KDM1A: variants seen among roughly 807,000 people sequenced by gnomAD.
KDM1A encodes the protein lysine-specific histone demethylase 1A.
A neutral mutation model predicts 109.4 loss-of-function variants in KDM1A; 49 were observed. The observed-to-expected ratio is 0.45, with a 90% CI of 0.36 to 0.57. The LOEUF is 0.57. Among genes scored for constraint, KDM1A ranks in the 20% least tolerant of loss-of-function variants. The probability of loss-of-function intolerance (pLI) is 0.00; values close to 1 mark genes in which losing one functional copy is unlikely to be tolerated. For missense variants in KDM1A, 668 were observed against 1,116.6 expected, an observed-to-expected ratio of 0.60 and a Z score of 5.73; for synonymous variants, 380 against 415.4, an observed-to-expected ratio of 0.91 and a Z score of 1.04.
At position 23,056,046 on chromosome 1, in the gene KDM1A, T is replaced by C; in HGVS notation, c.990+8T>C. The C allele has an allele frequency of 6.3e-7, 1 of 1,591,852 alleles. No homozygotes were observed. Among genetic ancestry groups the C allele is most frequent in the Non-Finnish European group, 8.6e-7 (1 of 1,160,342 alleles). ...ACACTTTTGGAAGCCAGGGTAAGAA[T>C]TTCATTTTGAGTTTAGAGGCTTGAC... On this transcript the variant is annotated splice_region_variant and intron_variant, in intron 7 of 20. Coordinates refer to ENST00000400181, the MANE Select transcript of KDM1A (RefSeq NM_001009999.3).
In KDM1A at chr1:23,066,072, G is replaced by T; in HGVS notation, c.1179+1G>T. Reference sequence around the variant, plus strand: ...CACTGGTTAAAAGGACACTGTCAAGGTATTTTTTTCATAATTTTTCAAATC... The same window carrying T: ...CACTGGTTAAAAGGACACTGTCAAGTTATTTTTTTCATAATTTTTCAAATC... On this transcript the variant is annotated splice_donor_variant, in intron 10 of 20. Transcript: ENST00000400181. LOFTEE classifies it high-confidence loss of function. The T allele has an allele frequency of 1.3e-6, 2 of 1,588,718 alleles. No homozygotes were observed. Among genetic ancestry groups the T allele is most frequent in the Non-Finnish European group, 8.6e-7 (1 of 1,158,210 alleles).
chr1:23,057,570 G>A lies in KDM1A; in HGVS notation c.1072+5G>A, dbSNP rs1214329613. ...CCATGGTGGTAACAGGTCTTGGTAA[G>A]TAGCTATTGGTTTGTGCTATATAGT... On this transcript the variant is annotated splice_donor_5th_base_variant and intron_variant, in intron 8 of 20. Transcript: ENST00000400181. 5 of 1,607,974 alleles carry A rather than the reference G, an allele frequency of 3.1e-6. No individual in the cohort carries two copies. Among genetic ancestry groups the A allele is most frequent in the Non-Finnish European group, 4.3e-6 (5 of 1,174,700 alleles).
intron 15 of KDM1A, among the ~76,000 whole-genome samples, chr1:23,074,672 A>C (rs1643412326): frequency 6.6e-6 from 1 of 152,194 alleles, no homozygotes; most frequent in Admixed American, 6.5e-5. Context: ...TCCTGCAGAA[A>C]TTGTATGGGT....
intron 16 of KDM1A, 145 bp downstream of exon 16, chr1:23,077,505 T>A: frequency 4.0e-6 from 3 of 741,574 alleles, no homozygotes; most frequent in Non-Finnish European, 6.1e-6. Context: ...CAGTTGAGCC[T>A]ATAGAGTCTT....
At chr1:23,021,903 T>C (rs1273639343) in intron 1 of KDM1A, among the ~76,000 whole-genome samples, 1 of 152,212 alleles carries the variant, frequency 6.6e-6, no homozygotes, top group Non-Finnish European at 1.5e-5. Context: ...TGGATTTGTC[T>C]ATTCTGAACA....
At chr1:23,081,631 T>C in intron 19 of KDM1A, 58 bp downstream of exon 19, 1 of 1,591,988 alleles carries the variant, frequency 6.3e-7, no homozygotes, top group South Asian at 1.1e-5. Context: ...CAGGGTTTAA[T>C]GTATTTGCAG....
At position 23,071,364 on chromosome 1, in the gene KDM1A, G is replaced by A. The variant is rs768442547; in HGVS notation, c.1548+5G>A. 1.9e-6 allele frequency: 3 copies of A among 1,595,018 alleles called. No homozygotes were observed. The East Asian group carries it at 6.7e-5, about 36-fold the overall frequency. On this transcript the variant is annotated splice_donor_5th_base_variant and intron_variant, in intron 13 of 20. Coordinates refer to ENST00000400181, the MANE Select transcript of KDM1A (RefSeq NM_001009999.3). Reference sequence around the variant, plus strand: ...GATCTGACCGCCCTATGCAAGGTGTGGTATACATACATGCCTAACTGGTTT... The same window carrying A: ...GATCTGACCGCCCTATGCAAGGTGTAGTATACATACATGCCTAACTGGTTT...
Position 23,079,187 on chromosome 1 carries a change from C to A in KDM1A, c.2055+10C>A. On this transcript the variant is annotated intron_variant, in intron 17 of 20. Coordinates refer to ENST00000400181, the MANE Select transcript of KDM1A (RefSeq NM_001009999.3). This position sits in a 1 kb window ranked among gnomAD's most constrained non-coding sequence, Gnocchi z 5.6. ...TGGCAACCTTAACAAGGTAGCTTGC[C>A]CTAGACACTCCTGTCTACAGATCTG... is the stretch of plus-strand genomic sequence containing the variant. 6.2e-7 allele frequency: 1 copy of A among 1,612,546 alleles called. No individual in the cohort carries two copies. The highest frequency in any genetic ancestry group is 1.1e-5 in the South Asian group (1 of 90,894).
chr1:23,069,453 G>A (rs1643255502), intron 12 of KDM1A, among the ~76,000 whole-genome samples: 1 of 152,142 alleles, frequency 6.6e-6, no homozygotes, highest in Non-Finnish European at 1.5e-5. Flanking sequence ...AAGAAGAATT[G>A]TCTTGGGCAA....
At chr1:23,025,304 T>A (rs552836166) in intron 1 of KDM1A, among the ~76,000 whole-genome samples, 1 of 151,876 alleles carries the variant, frequency 6.6e-6, no homozygotes, top group African/African-American at 2.4e-5. Context: ...CCATAAGTGC[T>A]GTGAGACTTC....
chr1:23,070,867 AC>A (rs1387944483), intron 12 of KDM1A, among the ~76,000 whole-genome samples: 1 of 151,940 alleles, frequency 6.6e-6, no homozygotes, highest in African/African-American at 2.4e-5. Context: ...AGTTTAAGTT[AC>A]ATTAGCAACA....
chr1:23,023,914 A>G (rs1019394033), intron 1 of KDM1A, among the ~76,000 whole-genome samples: 19 of 152,172 alleles, frequency 1.2e-4, no homozygotes, highest in Non-Finnish European at 1.2e-4. Context: ...CAGTGGCTCA[A>G]TCATAGCTCA....
chr1:23,054,281 GA>G (rs1295444990), intron 5 of KDM1A, among the ~76,000 whole-genome samples: 1 of 152,156 alleles, frequency 6.6e-6, no homozygotes, highest in Non-Finnish European at 1.5e-5. Context: ...AAATTAGACA[GA>G]CACAGTGATG....
chr1:23,020,744 A>T (rs1641600160), intron 1 of KDM1A, among the ~76,000 whole-genome samples: 1 of 152,160 alleles, frequency 6.6e-6, no homozygotes, highest in Non-Finnish European at 1.5e-5. Flanking sequence ...GCCCTATTTT[A>T]GGAATGAGTA....
intron 1 of KDM1A, among the ~76,000 whole-genome samples, chr1:23,022,863 TG>T (rs998650128): frequency 1.3e-5 from 2 of 151,748 alleles, no homozygotes; most frequent in Non-Finnish European, 2.9e-5. Flanking sequence ...TTCACCATGT[TG>T]GCCAGGATGG....
intron 1 of KDM1A, among the ~76,000 whole-genome samples, chr1:23,029,884 C>T (rs1397092982): frequency 6.6e-6 from 1 of 152,268 alleles, no homozygotes; most frequent in African/African-American, 2.4e-5. Flanking sequence ...AGGTGATCCT[C>T]CTGCCTCAGC....
rs1643338593 is a variant in KDM1A, at chr1:23,072,115, T to G, written c.1549-9T>G. ...TCAGGGTAACTCAGGTTCACTTAAT[T>G]TTTATCAGGAATATGATGAATTAGC... On this transcript the variant is annotated splice_polypyrimidine_tract_variant and intron_variant, in intron 13 of 20. Transcript: ENST00000400181. The G allele has an allele frequency of 6.3e-7, 1 of 1,595,630 alleles. No homozygotes were observed. The highest frequency in any genetic ancestry group is 8.6e-7 in the Non-Finnish European group (1 of 1,166,972).
At chr1:23,048,100 A>G (rs189387434) in intron 3 of KDM1A, among the ~76,000 whole-genome samples, 15 of 152,340 alleles carry the variant, frequency 9.8e-5, no homozygotes, top group African/African-American at 3.6e-4. Context: ...GTGGAATTTA[A>G]TAGAAATCAT....
chr1:23,020,910 G>A (rs12092572), intron 1 of KDM1A, among the ~76,000 whole-genome samples: 12 of 152,210 alleles, frequency 7.9e-5, no homozygotes, highest in South Asian at 4.1e-4. Context: ...CACTGGGGCA[G>A]TATTAGGGCG....
Sources: allele counts gnomAD v4.1 joint callset (sites outside exome capture counted in the v4.1 genomes callset), GRCh38; gene constraint gnomAD v4.1.1; non-coding constraint Gnocchi (gnomAD v3.1); transcripts MANE v1.5; gene names NCBI Gene and HGNC (gene_info 2026-07-23, HGNC 2026-07-21).